Variants in COLEC10 observed in about 807,000 individuals in gnomAD.
The protein encoded by COLEC10 is collectin subfamily member 10, also known as collectin-10.
In COLEC10, 22 loss-of-function variants were observed where a neutral mutation model predicts 28.4. The observed-to-expected ratio is 0.78, with a 90% CI of 0.55 to 1.11. The LOEUF (loss-of-function observed/expected upper bound fraction) is 1.11, where lower values mean the gene tolerates loss of function less well. Ranked by LOEUF, COLEC10 falls within the 50% of genes least tolerant of loss-of-function variation. COLEC10 has a pLI of 0.00. For missense variants in COLEC10, 361 were observed against 344.1 expected, an observed-to-expected ratio of 1.05 and a Z score of -0.39; for synonymous variants, 125 against 116.1, an observed-to-expected ratio of 1.08 and a Z score of -0.49.
the COLEC10 span, chr8:118,982,832 C>T: frequency 6.6e-6 from 1 of 152,250 alleles, no homozygotes; most frequent in Non-Finnish European, 1.5e-5. Flanking sequence ...GGATTCTGTA[C>T]ATCTATGTTC....
In COLEC10 at chr8:119,067,307, G is replaced by C; in HGVS notation, c.26G>C (p.Arg9Pro). 1 of 1,613,862 alleles carries C rather than the reference G, an allele frequency of 6.2e-7. No homozygotes were observed. Among genetic ancestry groups the C allele is most frequent in the South Asian group, 1.1e-5 (1 of 91,068 alleles). Residue 9 changes from arginine (R) to proline (P), a missense_variant, in exon 1 of 6, where the codon CGA becomes CCA. Physicochemically the swap from Arg to Pro is moderately radical, Grantham distance 103. Coordinates refer to ENST00000332843, the MANE Select transcript of COLEC10 (RefSeq NM_006438.5). ...ATGAATGGCTTTGCATCCTTGCTTC[G>C]AAGAAACCAATTTATCCTCCTGGTA... MNGFASLL[R>P]RNQFILLVLF...
intron 2 of COLEC10, among the ~76,000 whole-genome samples, chr8:119,032,144 C>T (rs4401893): frequency 0.58 from 88,732 of 152,036 alleles, 26,572 homozygotes; most frequent in African/African-American, 0.72. Context: ...ATTGGAAATC[C>T]GTGAATCTGG....
At chr8:118,961,920 G>T in the COLEC10 span, among the ~76,000 whole-genome samples, 10 of 152,136 alleles carry the variant, frequency 6.6e-5, no homozygotes, top group Non-Finnish European at 1.5e-4. Flanking sequence ...GAAGTATTTT[G>T]CAAGTTGGCA....
At chr8:119,075,747 G>T (rs1213401355) in intron 1 of COLEC10, among the ~76,000 whole-genome samples, 1 of 152,086 alleles carries the variant, frequency 6.6e-6, no homozygotes, top group Non-Finnish European at 1.5e-5. Flanking sequence ...CCACACAGTT[G>T]TGAGTTATCT....
At chr8:118,984,261 G>C in the COLEC10 span, among the ~76,000 whole-genome samples, 2 of 152,082 alleles carry the variant, frequency 1.3e-5, no homozygotes, top group Admixed American at 1.3e-4. Flanking sequence ...ATGTTCTTAC[G>C]TATAAGTGGG....
chr8:119,004,461 A>G (rs1813753091), intron 1 of COLEC10, among the ~76,000 whole-genome samples: 1 of 151,382 alleles, frequency 6.6e-6, no homozygotes, highest in African/African-American at 2.4e-5. Context: ...CTCTCCTCAT[A>G]ATGGCTATAT....
intron 2 of COLEC10, among the ~76,000 whole-genome samples, chr8:119,031,008 C>A (rs1275974710): frequency 6.6e-6 from 1 of 151,922 alleles, no homozygotes; most frequent in Non-Finnish European, 1.5e-5. Flanking sequence ...CCAACATATT[C>A]TTTGAAAGAA....
At chr8:118,956,993 C>T in the COLEC10 span, among the ~76,000 whole-genome samples, 1 of 152,114 alleles carries the variant, frequency 6.6e-6, no homozygotes, top group African/African-American at 2.4e-5. Context: ...TGAATTCCTT[C>T]CTGAAACAAG....
chr8:118,986,357 G>C, the COLEC10 span, among the ~76,000 whole-genome samples: 1 of 152,096 alleles, frequency 6.6e-6, no homozygotes, highest in African/African-American at 2.4e-5. Flanking sequence ...TCACTGAAGA[G>C]TTATAAATTG....
chr8:119,029,775 AATAAGT>A (rs1053763622), intron 2 of COLEC10, among the ~76,000 whole-genome samples: 2 of 152,186 alleles, frequency 1.3e-5, no homozygotes, highest in Non-Finnish European at 2.9e-5. Context: ...AAGAATAAAG[AATAAGT>A]ATAAGACAAA....
rs1437791787 is a variant in COLEC10 at position 119,107,673 on chromosome 8, A to G, written c.*1482A>G. 5.9e-5 allele frequency among the ~76,000 whole-genome samples: 9 copies of G among 152,146 alleles called. No homozygotes were observed. Among genetic ancestry groups the G allele is most frequent in the Admixed American group, 2.6e-4 (4 of 15,258 alleles). ...AGATCCTACAGGGGCCAGGCAGATGACTTACCTAAATGAAGTGGAACACGT... is the reference window on the plus strand; with the variant it reads ...AGATCCTACAGGGGCCAGGCAGATGGCTTACCTAAATGAAGTGGAACACGT... On this transcript the variant is annotated 3_prime_UTR_variant, in exon 6 of 6. Coordinates refer to ENST00000332843, the MANE Select transcript of COLEC10 (RefSeq NM_006438.5).
At chr8:119,039,446 G>T (rs1417190699) in intron 2 of COLEC10, among the ~76,000 whole-genome samples, 1 of 152,158 alleles carries the variant, frequency 6.6e-6, no homozygotes, top group Non-Finnish European at 1.5e-5. Flanking sequence ...ACATCTGTCT[G>T]ATTTCTTGTT....
Position 119,036,970 on chromosome 8 carries a change from G to A in COLEC10, n.235+27417G>A, listed in dbSNP as rs151071240. 5.0e-3 allele frequency among the ~76,000 whole-genome samples: 763 copies of A among 152,202 alleles called. 10 individuals carry two copies. The highest frequency in any genetic ancestry group is 0.018 in the African/African-American group (731 of 41,524). Reference sequence around the variant, plus strand: ...ATCAATGTTGTTGGGGCTTCCCGTTGGCTAAAACCAAGCAGAAGCCAGAGC... The same window carrying A: ...ATCAATGTTGTTGGGGCTTCCCGTTAGCTAAAACCAAGCAGAAGCCAGAGC... On this transcript the variant is annotated intron_variant and non_coding_transcript_variant, in intron 2 of 6. Transcript: ENST00000521788.
the COLEC10 span, among the ~76,000 whole-genome samples, chr8:118,987,299 C>G: frequency 6.6e-6 from 1 of 152,166 alleles, no homozygotes; most frequent in East Asian, 1.9e-4. Context: ...TGCAGTGGCT[C>G]ACACCTGTAA....
intron 3 of COLEC10, among the ~76,000 whole-genome samples, chr8:119,099,515 A>G (rs1443040840): frequency 1.3e-5 from 2 of 152,042 alleles, no homozygotes; most frequent in Admixed American, 1.3e-4. Flanking sequence ...TAACCTGTCC[A>G]TGTGTAGCCA....
At chr8:118,972,562 TC>T in the COLEC10 span, among the ~76,000 whole-genome samples, 1 of 151,850 alleles carries the variant, frequency 6.6e-6, no homozygotes, top group East Asian at 1.9e-4. Flanking sequence ...TACCCTCACC[TC>T]CCCCTAAAAA....
upstream of COLEC10, among the ~76,000 whole-genome samples, chr8:119,067,062 A>G (rs532381434): frequency 6.6e-6 from 1 of 152,126 alleles, no homozygotes; most frequent in Non-Finnish European, 1.5e-5. Context: ...TTTTCAATAA[A>G]CTGTTGTCAC....
At position 119,059,128 on chromosome 8, in the gene COLEC10, A is replaced by G. The variant is rs147316464; in HGVS notation, n.236-30552A>G. Among the ~76,000 whole-genome samples, 496 of 152,204 alleles carry G rather than the reference A, an allele frequency of 3.3e-3. 3 individuals are homozygous for G. The highest frequency in any genetic ancestry group is 0.011 in the African/African-American group (473 of 41,556). On this transcript the variant is annotated intron_variant and non_coding_transcript_variant, in intron 2 of 6. Coordinates refer to the COLEC10 transcript ENST00000521788. ...GCCAAGCACAAATTCTTTATTGGAT[A>G]TATGATTTGTAAATGTTTTTTCCAG...
intron 3 of COLEC10, among the ~76,000 whole-genome samples, chr8:119,096,055 G>A (rs2130292791): frequency 6.7e-6 from 1 of 150,244 alleles, no homozygotes; most frequent in East Asian, 1.9e-4. Context: ...GGCTATTCAT[G>A]TATAAAAATA....
Sources: allele counts gnomAD v4.1 joint callset (sites outside exome capture counted in the v4.1 genomes callset), GRCh38; gene constraint gnomAD v4.1.1; transcripts MANE v1.5; gene names NCBI Gene and HGNC (gene_info 2026-07-23, HGNC 2026-07-21).